Variants in CACNA1B observed in about 807,000 individuals in gnomAD.
The protein encoded by CACNA1B is calcium voltage-gated channel subunit alpha1 B, also known as voltage-dependent N-type calcium channel subunit alpha-1B.
CACNA1B carries 70 observed loss-of-function variants against 247.2 expected under a neutral mutation model. The ratio of observed to expected loss-of-function variants is 0.28; its 90% CI spans 0.23 to 0.35. The LOEUF (loss-of-function observed/expected upper bound fraction) is 0.35, where lower values mean the gene tolerates loss of function less well. CACNA1B is among the 10% of genes least tolerant of loss of function. CACNA1B has a pLI of 1.00. For synonymous variants in CACNA1B, 1,231 were observed against 1,294.4 expected, an observed-to-expected ratio of 0.95 and a Z score of 1.05; for missense variants, 2,367 against 3,197.4, an observed-to-expected ratio of 0.74 and a Z score of 6.26.
rs200800510 is a variant in CACNA1B at position 138,120,168 on chromosome 9, G to A, written c.6034G>A (p.Val2012Ile). 39 of 1,599,452 alleles carry A rather than the reference G, an allele frequency of 2.4e-5. No individual in the cohort carries two copies. Among genetic ancestry groups the A allele is most frequent in the South Asian group, 5.7e-5 (5 of 87,976 alleles). Residue 2012 changes from valine (V) to isoleucine (I), a missense_variant, in exon 45 of 47, where the codon GTC (valine) becomes ATC (isoleucine). This residue lies in a region of CACNA1B where 773 missense variants were observed against 779.4 expected (regional missense o/e 0.99). Transcript: ENST00000371372. ...MPRLAAETQP[V>I]TDASPMKRSI... Reference sequence around the variant, plus strand: ...ACTCTCAGTCCTTTGCCCACAGCCCGTCACAGATGCCAGCCCCATGAAGCG... The same window carrying A: ...ACTCTCAGTCCTTTGCCCACAGCCCATCACAGATGCCAGCCCCATGAAGCG...
intron 6 of CACNA1B, among the ~76,000 whole-genome samples, chr9:137,944,104 C>A (rs984242271): frequency 6.6e-6 from 1 of 152,138 alleles, no homozygotes; most frequent in Non-Finnish European, 1.5e-5. Context: ...CAGGGCATTG[C>A]CAGTGATGGC....
rs1003243825 is a variant in CACNA1B, at chr9:138,114,917, G to A, written c.5649+427G>A. On this transcript the variant is annotated intron_variant, in intron 41 of 46. Coordinates refer to ENST00000371372, the MANE Select transcript of CACNA1B (RefSeq NM_000718.4). ...GTCTGTTCTGCTCTTGCCTTTGACT[G>A]AGATGATTTGGGGACCCATCTTCCC... Among the ~76,000 whole-genome samples the A allele has an allele frequency of 1.1e-3, 171 of 152,316 alleles. 1 individual carries two copies. Among genetic ancestry groups the A allele is most frequent in the African/African-American group, 3.8e-3 (156 of 41,566 alleles).
chr9:137,896,538 T>C (rs1170365973), intron 3 of CACNA1B, among the ~76,000 whole-genome samples: 1 of 152,212 alleles, frequency 6.6e-6, no homozygotes, highest in African/African-American at 2.4e-5. Flanking sequence ...CAATATCTTG[T>C]TAAGGATTTT....
rs1403846694 is a variant in CACNA1B at position 137,973,758 on chromosome 9, T to G, written c.1544-2149T>G. On this transcript the variant is annotated intron_variant, in intron 11 of 46. Coordinates refer to ENST00000371372, the MANE Select transcript of CACNA1B (RefSeq NM_000718.4). The surrounding 1 kb of genome is among the most constrained non-coding windows in gnomAD (Gnocchi z 4.1). ...CAAGAGTGTACGAATGAATGCCCTT[T>G]CTGGGCCTCAGAGTGGAGGCTGAGT... Among the ~76,000 whole-genome samples the G allele has an allele frequency of 2.0e-5, 3 of 152,218 alleles. No homozygotes were observed. Among genetic ancestry groups the G allele is most frequent in the East Asian group, 3.9e-4 (2 of 5,180 alleles).
intron 32 of CACNA1B, 120 bp downstream of exon 32, chr9:138,069,883 G>A (rs1960060837): frequency 1.1e-6 from 1 of 872,538 alleles, no homozygotes; most frequent in Non-Finnish European, 1.9e-6. Context: ...GTTGGATGCG[G>A]CTGCATCCAC....
In CACNA1B at chr9:138,052,221, G is replaced by A. The variant is rs201168644; in HGVS notation, c.3807+33G>A. 115 of 1,153,014 alleles carry A rather than the reference G, an allele frequency of 1.0e-4. No homozygotes were observed. In the African/African-American group the frequency reaches 2.2e-3, roughly 22 times the overall value. 71.4% of individuals were successfully genotyped at this position (1,153,014 alleles called of 1,614,324 possible). A position where few individuals can be genotyped will look rare whatever the true frequency, so the allele number is the denominator to read the frequency against. On this transcript the variant is annotated intron_variant, in intron 25 of 46. Transcript: ENST00000371372. The surrounding 1 kb of genome is among the most constrained non-coding windows in gnomAD (Gnocchi z 5.1). Reference sequence around the variant, plus strand: ...CCTGGAGTTGGGGCTTGAGGGATGTGCTGTGTGTGTGTGCGTGTGTGTGTG... The same window carrying A: ...CCTGGAGTTGGGGCTTGAGGGATGTACTGTGTGTGTGTGCGTGTGTGTGTG...
Position 137,979,766 on chromosome 9 carries a change from G to A in CACNA1B, c.1656+3747G>A, listed in dbSNP as rs11137327. 8.6e-3 allele frequency among the ~76,000 whole-genome samples: 1,313 copies of A among 152,296 alleles called. 75 individuals carry two copies. In the East Asian group the frequency reaches 0.15, roughly 17 times the overall value. On this transcript the variant is annotated intron_variant, in intron 12 of 46. Coordinates refer to ENST00000371372, the MANE Select transcript of CACNA1B (RefSeq NM_000718.4). ...GTCCAGGTGTGGGTGAGACTCCTTC[G>A]GTGTAGTTCCCTAAGTGCAGTGGCT...
Position 137,957,706 on chromosome 9 carries a change from C to T in CACNA1B, c.1333+19C>T, listed in dbSNP as rs765005872. The T allele has an allele frequency of 2.6e-6, 4 of 1,537,494 alleles. No individual in the cohort carries two copies. Among genetic ancestry groups the T allele is most frequent in the East Asian group, 2.4e-5 (1 of 41,894 alleles). On this transcript the variant is annotated intron_variant, in intron 10 of 46. Coordinates refer to ENST00000371372, the MANE Select transcript of CACNA1B (RefSeq NM_000718.4). This position sits in a 1 kb window ranked among gnomAD's most constrained non-coding sequence, Gnocchi z 4.7. Reference sequence around the variant, plus strand: ...GCTGTTGGTGAGTCTCAGGGTGTCCCTCCAGCTCTGCCAGGCTTGAGCTGG... The same window carrying T: ...GCTGTTGGTGAGTCTCAGGGTGTCCTTCCAGCTCTGCCAGGCTTGAGCTGG...
intron 36 of CACNA1B, among the ~76,000 whole-genome samples, chr9:138,088,141 A>AGTG (rs1960761294): frequency 6.6e-6 from 1 of 152,070 alleles, no homozygotes; most frequent in Non-Finnish European, 1.5e-5. Flanking sequence ...GGCCGTGGCA[A>AGTG]GTGGATCACT....
Position 138,013,226 on chromosome 9 carries a change from C to T in CACNA1B, c.2258C>T (p.Ser753Phe). The T allele has an allele frequency of 1.3e-6, 2 of 1,594,368 alleles. No homozygotes were observed. The highest frequency in any genetic ancestry group is 1.7e-6 in the Non-Finnish European group (2 of 1,170,698). The change falls in exon 18 of 47, where the codon TCC (serine) becomes TTC (phenylalanine). Residue 753 changes from serine (S) to phenylalanine (F), a missense_variant. By Grantham distance (155) the Ser-to-Phe change is radical. Transcript: ENST00000371372. ...EVSPMSAANI[S>F]IAARQQNSAK... ...AGCCCCATGTCTGCCGCGAACATCT[C>T]CATCGCCGCGTAAGGCTCCTAGGAG...
rs146516745 is a variant in CACNA1B, at chr9:137,888,652, C to A, written c.530+5769C>A. Among the ~76,000 whole-genome samples, 1 of 152,094 alleles carries A rather than the reference C, an allele frequency of 6.6e-6. No homozygotes were observed. Among genetic ancestry groups the A allele is most frequent in the Non-Finnish European group, 1.5e-5 (1 of 68,018 alleles). On this transcript the variant is annotated intron_variant, in intron 3 of 46. Transcript: ENST00000371372. This position sits in a 1 kb window ranked among gnomAD's most constrained non-coding sequence, Gnocchi z 4.7. ...TAGAGCCCAGCTTTCTCCCTGGACCCGGCCTCCTGTGGGTTGAAGAGAGGG... is the reference window on the plus strand; with the variant it reads ...TAGAGCCCAGCTTTCTCCCTGGACCAGGCCTCCTGTGGGTTGAAGAGAGGG...
At chr9:137,947,410 C>T (rs1038274668) in intron 6 of CACNA1B, among the ~76,000 whole-genome samples, 1 of 152,116 alleles carries the variant, frequency 6.6e-6, no homozygotes, top group Non-Finnish European at 1.5e-5. Context: ...GCCTTAGGGT[C>T]CCTGCCTCCA....
In CACNA1B at chr9:138,012,156, A is replaced by G. The variant is rs1958732360; in HGVS notation, c.2161-973A>G. ...GGCCAGGCACTGCAAGTGGTCACCC[A>G]GGAGTGGGGGAGACAGGGAGAGGCT... On this transcript the variant is annotated intron_variant, in intron 17 of 46. Coordinates refer to ENST00000371372, the MANE Select transcript of CACNA1B (RefSeq NM_000718.4). The surrounding 1 kb of genome is among the most constrained non-coding windows in gnomAD (Gnocchi z 4.2). Among the ~76,000 whole-genome samples, 1 of 152,220 alleles carries G rather than the reference A, an allele frequency of 6.6e-6. No homozygotes were observed. Among genetic ancestry groups the G allele is most frequent in the South Asian group, 2.1e-4 (1 of 4,830 alleles).
At chr9:138,082,147 C>G (rs920157556) in intron 36 of CACNA1B, among the ~76,000 whole-genome samples, 2 of 151,152 alleles carry the variant, frequency 1.3e-5, no homozygotes, top group African/African-American at 2.4e-5. Flanking sequence ...ATAAATTTGT[C>G]TACTCAAAAT....
At chr9:138,053,753 A>AC in intron 25 of CACNA1B, 93 bp from the exon 26 acceptor site, 2 of 720,446 alleles carry the variant, frequency 2.8e-6, no homozygotes, top group Non-Finnish European at 4.2e-6. Flanking sequence ...TCGTGGCTCC[A>AC]CCCCTCCCCG....
intron 6 of CACNA1B, among the ~76,000 whole-genome samples, chr9:137,932,976 A>G (rs1207380546): frequency 6.6e-6 from 1 of 152,054 alleles, no homozygotes; most frequent in Non-Finnish European, 1.5e-5. Context: ...TCTGTCGCCT[A>G]GGCTGGAGTG....
At chr9:138,049,129 A>G in intron 23 of CACNA1B, 80 bp from the exon 24 acceptor site, 1 of 939,396 alleles carries the variant, frequency 1.1e-6, no homozygotes, top group East Asian at 2.4e-5. Context: ...TGCTGAGATT[A>G]CAGGCATGAG....
chr9:138,058,791 C>G lies in CACNA1B; in HGVS notation c.4473+58C>G. On this transcript the variant is annotated intron_variant, in intron 29 of 46. Transcript: ENST00000371372. This position sits in a 1 kb window ranked among gnomAD's most constrained non-coding sequence, Gnocchi z 4.7. ...CGCTGCTAGGGATTGGGATCTAACCCTGAGGCTGAGTGGAGAGTCAGCCTT... is the reference window on the plus strand; with the variant it reads ...CGCTGCTAGGGATTGGGATCTAACCGTGAGGCTGAGTGGAGAGTCAGCCTT... The G allele has an allele frequency of 6.8e-7, 1 of 1,477,830 alleles. No homozygotes were observed. Among genetic ancestry groups the G allele is most frequent in the Non-Finnish European group, 9.2e-7 (1 of 1,082,650 alleles). The allele number at this position is 1,477,830 out of a possible 1,614,324, so 91.5% of individuals were successfully genotyped here.
intron 15 of CACNA1B, among the ~76,000 whole-genome samples, chr9:137,989,229 AG>A (rs756570573): frequency 3.9e-5 from 6 of 152,250 alleles, no homozygotes; most frequent in Admixed American, 1.3e-4. Flanking sequence ...AACAAAGAAA[AG>A]ACCTAAACCA....
Sources: allele counts gnomAD v4.1 joint callset (sites outside exome capture counted in the v4.1 genomes callset), GRCh38; gene constraint gnomAD v4.1.1; regional missense constraint gnomAD v4.1.1; non-coding constraint Gnocchi (gnomAD v3.1); transcripts MANE v1.5; gene names NCBI Gene and HGNC (gene_info 2026-07-23, HGNC 2026-07-21).